BTBD16: variants seen among roughly 807,000 people sequenced by gnomAD.
BTBD16 encodes the protein BTB/POZ domain-containing protein 16.
BTBD16 carries 66 observed loss-of-function variants against 67.4 expected under a neutral mutation model. The observed-to-expected ratio is 0.98, with a 90% CI of 0.80 to 1.20. The LOEUF is 1.20. BTBD16 is among the 50% of genes most tolerant of loss of function. The pLI, the probability that BTBD16 is intolerant of heterozygous loss-of-function variation, is 0.00. For synonymous variants in BTBD16, 242 were observed against 236.4 expected (o/e 1.02, Z -0.22); for missense variants, 634 against 616.0 (o/e 1.03, Z -0.31).
intron 14 of BTBD16, 30 bp from the exon 15 acceptor site, chr10:122,336,464 T>G: frequency 6.4e-7 from 1 of 1,563,756 alleles, no homozygotes; most frequent in South Asian, 1.2e-5. Context: ...CGATTGCAGT[T>G]CCACCTAAGG....
intron 9 of BTBD16, among the ~76,000 whole-genome samples, chr10:122,306,935 A>T (rs1303877862): frequency 6.6e-6 from 1 of 152,186 alleles, no homozygotes; most frequent in Non-Finnish European, 1.5e-5. Flanking sequence ...AATGACGATC[A>T]TTGTTTTGCG....
intron 5 of BTBD16, among the ~76,000 whole-genome samples, chr10:122,289,120 G>A (rs1180312674): frequency 6.6e-6 from 1 of 152,136 alleles, no homozygotes; most frequent in Non-Finnish European, 1.5e-5. Context: ...AGTGACAATA[G>A]CCACCACAGG....
At chr10:122,293,458 C>G (rs2142070356) in intron 7 of BTBD16, among the ~76,000 whole-genome samples, 1 of 152,254 alleles carries the variant, frequency 6.6e-6, no homozygotes, top group Middle Eastern at 3.4e-3. Flanking sequence ...GCAGGGGACA[C>G]ACATTGAAGA....
intron 2 of BTBD16, among the ~76,000 whole-genome samples, chr10:122,276,081 A>G (rs2096339921): frequency 6.6e-6 from 1 of 152,242 alleles, no homozygotes; most frequent in Admixed American, 6.5e-5. Flanking sequence ...TGTTATGTGA[A>G]AGATGCCATC....
At chr10:122,305,280 T>C (rs1465216984) in intron 9 of BTBD16, among the ~76,000 whole-genome samples, 1 of 152,224 alleles carries the variant, frequency 6.6e-6, no homozygotes, top group Non-Finnish European at 1.5e-5. Context: ...ATATCCTTGA[T>C]ATAGTTTAGA....
intron 9 of BTBD16, among the ~76,000 whole-genome samples, chr10:122,304,699 G>A (rs962379175): frequency 2.6e-5 from 4 of 151,790 alleles, no homozygotes; most frequent in Admixed American, 6.6e-5. Context: ...GGACTCAGGC[G>A]CCTGCCACCA....
At chr10:122,328,984 G>A (rs1172405573) in intron 10 of BTBD16, among the ~76,000 whole-genome samples, 1 of 152,142 alleles carries the variant, frequency 6.6e-6, no homozygotes, top group Non-Finnish European at 1.5e-5. Flanking sequence ...CACTTTTGCA[G>A]CGCCTAATTT....
intron 1 of BTBD16, among the ~76,000 whole-genome samples, chr10:122,273,147 T>A (rs1375867391): frequency 6.6e-6 from 1 of 150,748 alleles, no homozygotes; most frequent in Non-Finnish European, 1.5e-5. Flanking sequence ...ACTATTTCAA[T>A]TGAAGATACA....
chr10:122,284,449 A>C (rs1590052728), intron 4 of BTBD16, among the ~76,000 whole-genome samples: 1 of 31,508 alleles, frequency 3.2e-5, no homozygotes, highest in South Asian at 1.2e-3. Context: ...ACTCCATCTC[A>C]AAAAAAAAAA....
In BTBD16 at chr10:122,286,110, A is replaced by G; in HGVS notation, c.247A>G (p.Ile83Val). Residue 83 changes from isoleucine (I) to valine (V), a missense_variant, in exon 5 of 16, where the codon ATT becomes GTT. Physicochemically the swap from Ile to Val is conservative, Grantham distance 29. Coordinates refer to ENST00000260723, the MANE Select transcript of BTBD16 (RefSeq NM_144587.5). ...KDIQSGEADVILECLGFKWEL... is the reference protein window; with the variant it reads ...KDIQSGEADVVLECLGFKWEL... ...GCATCATTTTCTGTCCTCAGATGTG[A>G]TTCTCGAGTGCCTGGGCTTCAAATG... is the stretch of plus-strand genomic sequence containing the variant. 1 of 1,613,140 alleles carries G rather than the reference A, an allele frequency of 6.2e-7. No homozygotes were observed. The highest frequency in any genetic ancestry group is 8.5e-7 in the Non-Finnish European group (1 of 1,179,408).
At chr10:122,328,613 T>A in intron 10 of BTBD16, 1 of 299,790 alleles carries the variant, frequency 3.3e-6, no homozygotes, top group Non-Finnish European at 4.9e-6. Context: ...CCACTCTTGA[T>A]TTACGGAAAA....
At chr10:122,317,470 A>G (rs2096427480) in intron 10 of BTBD16, among the ~76,000 whole-genome samples, 1 of 151,918 alleles carries the variant, frequency 6.6e-6, no homozygotes, top group Non-Finnish European at 1.5e-5. Context: ...ACACGGTGAA[A>G]CCCTGTCTCT....
At chr10:122,274,473 C>T (rs1590042539) in intron 1 of BTBD16, among the ~76,000 whole-genome samples, 1 of 152,236 alleles carries the variant, frequency 6.6e-6, no homozygotes, top group East Asian at 1.9e-4. Flanking sequence ...CCTCTCATCA[C>T]CATCCTTCCA....
At chr10:122,327,686 G>C (rs1042303247) in intron 10 of BTBD16, 78 of 974,084 alleles carry the variant, frequency 8.0e-5, no homozygotes, top group Non-Finnish European at 9.1e-5. Context: ...AGTCCAACAA[G>C]CTGTCTCAAC....
At position 122,275,031 on chromosome 10, in the gene BTBD16, G is replaced by A; in HGVS notation, c.-42-9G>A. The A allele has an allele frequency of 6.2e-7, 1 of 1,604,786 alleles. No homozygotes were observed. The highest frequency in any genetic ancestry group is 1.1e-5 in the South Asian group (1 of 90,580). The stretch of plus-strand genomic sequence containing the variant: ...GGAAAATGTCACCTTTACCTCTTTT[G>A]TCTTCTAGGTTGCTTGTCTTTTCTC... On this transcript the variant is annotated splice_polypyrimidine_tract_variant and intron_variant, in intron 1 of 15. Coordinates refer to ENST00000260723, the MANE Select transcript of BTBD16 (RefSeq NM_144587.5).
intron 5 of BTBD16, chr10:122,287,565 C>T (rs112028253): frequency 1.7e-4 from 134 of 775,946 alleles, no homozygotes; most frequent in Non-Finnish European, 1.9e-4. Flanking sequence ...TTCCATGGAC[C>T]GATCAAGCCA....
chr10:122,317,684 C>CA (rs552119754), intron 10 of BTBD16, among the ~76,000 whole-genome samples: 165 of 151,580 alleles, frequency 1.1e-3, no homozygotes, highest in East Asian at 2.3e-3. Context: ...AAAAAAACAA[C>CA]AAAAAAAACT....
intron 10 of BTBD16, among the ~76,000 whole-genome samples, chr10:122,324,977 T>C (rs1378846911): frequency 2.0e-5 from 3 of 152,206 alleles, no homozygotes; most frequent in African/African-American, 7.2e-5. Flanking sequence ...CCCTTTGTGC[T>C]AGGGTCAGGA....
rs138313395 is a variant in BTBD16 at position 122,322,380 on chromosome 10, G to A, written c.912-7100G>A. 8.7e-3 allele frequency among the ~76,000 whole-genome samples: 1,330 copies of A among 152,268 alleles called. 21 individuals carry two copies. The highest frequency in any genetic ancestry group is 0.015 in the East Asian group (78 of 5,176). On this transcript the variant is annotated intron_variant, in intron 10 of 15. Coordinates refer to ENST00000260723, the MANE Select transcript of BTBD16 (RefSeq NM_144587.5). ...GCATGAGTATGGTGTATTGGGTCAGGAGTGGGGGTGGCTTTATCGGACATT... is the reference window on the plus strand; with the variant it reads ...GCATGAGTATGGTGTATTGGGTCAGAAGTGGGGGTGGCTTTATCGGACATT...
Sources: allele counts gnomAD v4.1 joint callset (sites outside exome capture counted in the v4.1 genomes callset), GRCh38; gene constraint gnomAD v4.1.1; transcripts MANE v1.5; gene names NCBI Gene and HGNC (gene_info 2026-07-23, HGNC 2026-07-21).